ATM: variants seen among roughly 807,000 people sequenced by gnomAD.
The protein encoded by ATM is ATM serine/threonine kinase.
ATM carries 308 observed loss-of-function variants against 387.0 expected under a neutral mutation model. The observed-to-expected ratio is 0.80, with a 90% CI of 0.73 to 0.87. The LOEUF is 0.87. Ranked by LOEUF, ATM falls within the 40% of genes least tolerant of loss-of-function variation. The probability of loss-of-function intolerance (pLI) is 0.00; values close to 1 mark genes in which losing one functional copy is unlikely to be tolerated. For synonymous variants in ATM, 1,156 were observed against 1,187.3 expected, an observed-to-expected ratio of 0.97 and a Z score of 0.54; for missense variants, 3,312 against 3,560.9, an observed-to-expected ratio of 0.93 and a Z score of 1.78.
At chr11:108,355,692 T>G (rs1251661312) in intron 61 of ATM, 1 of 152,244 alleles carries the variant, frequency 6.6e-6, no homozygotes, top group African/African-American at 2.4e-5. Flanking sequence ...TAAAAAACAT[T>G]GATGCTGATC....
At chr11:108,237,754 T>C (rs2079350224) in intron 5 of ATM, among the ~76,000 whole-genome samples, 1 of 152,176 alleles carries the variant, frequency 6.6e-6, no homozygotes, top group Non-Finnish European at 1.5e-5. Context: ...AATTTTGGAA[T>C]CAGCTTACTG....
Position 108,272,783 on chromosome 11 carries a change from A to G in ATM, c.3215A>G (p.Glu1072Gly). The G allele has an allele frequency of 6.2e-7, 1 of 1,613,852 alleles. No individual in the cohort carries two copies. The highest frequency in any genetic ancestry group is 1.7e-4 in the Middle Eastern group (1 of 6,060). Residue 1072 changes from glutamate to glycine, a missense_variant, in exon 22 of 63, where the codon GAA becomes GGA. Glu to Gly is a moderately conservative substitution (Grantham distance 98). Transcript: ENST00000675843. ...ATGGGAAAAGACTTTCCTGTAAATGAAGTATTTACACAATTTCTTGCTGAC... is the reference window on the plus strand; with the variant it reads ...ATGGGAAAAGACTTTCCTGTAAATGGAGTATTTACACAATTTCTTGCTGAC... ...NVMGKDFPVN[E>G]VFTQFLADNH...
chr11:108,316,257 T>A, intron 42 of ATM, 144 bp downstream of exon 42: 2 of 896,536 alleles, frequency 2.2e-6, no homozygotes, highest in Non-Finnish European at 3.6e-6. Context: ...AGGCTAAACA[T>A]TCAGGGATAC....
chr11:108,260,919 T>A (rs594153), intron 16 of ATM, among the ~76,000 whole-genome samples: 1 of 151,974 alleles, frequency 6.6e-6, no homozygotes, highest in African/African-American at 2.4e-5. Context: ...CGAATACTGC[T>A]CTTTTGCGAC....
At chr11:108,262,454 G>A (rs956762231) in intron 16 of ATM, among the ~76,000 whole-genome samples, 3 of 152,140 alleles carry the variant, frequency 2.0e-5, no homozygotes, top group African/African-American at 7.2e-5. Flanking sequence ...GTCACCACCA[G>A]GCCTGCCTTA....
intron 58 of ATM, 87 bp downstream of exon 58, chr11:108,345,995 T>C (rs2137045893): frequency 6.7e-7 from 1 of 1,484,178 alleles, no homozygotes; most frequent in Middle Eastern, 1.7e-4. Flanking sequence ...TTCTACATTC[T>C]GAGTTGCAGG....
intron 27 of ATM, 102 bp downstream of exon 27, chr11:108,287,817 A>G (rs1311029234): frequency 2.4e-6 from 2 of 824,520 alleles, no homozygotes; most frequent in Non-Finnish European, 1.9e-6. Context: ...TATAGACATC[A>G]CTCTTTTTAA....
rs889445709 is a variant in ATM, at chr11:108,307,907, C to A, written c.5685C>A (p.His1895Gln). 2 of 1,613,444 alleles carry A rather than the reference C, an allele frequency of 1.2e-6. No homozygotes were observed. The highest frequency in any genetic ancestry group is 1.7e-6 in the Non-Finnish European group (2 of 1,179,704). The change falls in exon 38 of 63, where the codon CAC becomes CAA. Residue 1895 changes from histidine to glutamine, a missense_variant. Coordinates refer to ENST00000675843, the MANE Select transcript of ATM (RefSeq NM_000051.4). ...TPANLDSESE[H>Q]FFRCCLDKKS... Reference sequence around the variant, plus strand: ...ATTTTTGTTTGTCAGAGTCAGAGCACTTTTTCCGATGCTGTTTGGATAAAA... The same window carrying A: ...ATTTTTGTTTGTCAGAGTCAGAGCAATTTTTCCGATGCTGTTTGGATAAAA...
intron 26 of ATM, among the ~76,000 whole-genome samples, chr11:108,285,843 C>T (rs1181921418): frequency 6.6e-6 from 1 of 152,166 alleles, no homozygotes; most frequent in Admixed American, 6.5e-5. Flanking sequence ...AATCTCCCAG[C>T]TTAGTCTTCT....
At chr11:108,328,651 G>C (rs1195221572) in intron 48 of ATM, among the ~76,000 whole-genome samples, 1 of 152,170 alleles carries the variant, frequency 6.6e-6, no homozygotes, top group Non-Finnish European at 1.5e-5. Flanking sequence ...GAAAAGTCAA[G>C]AAAATACCAT....
chr11:108,283,422 G>A (rs1490898895), intron 25 of ATM, among the ~76,000 whole-genome samples: 1 of 152,142 alleles, frequency 6.6e-6, no homozygotes, highest in African/African-American at 2.4e-5. Context: ...GTAATGTTTA[G>A]GTATCAGGAT....
intron 55 of ATM, chr11:108,335,359 T>TTATGTTTTCTTATAAA: frequency 1.6e-6 from 2 of 1,217,062 alleles, no homozygotes; most frequent in East Asian, 6.1e-5. Context: ...TACAGACATG[T>TTATGTTTTCTTATAAA]ACAGTGAGGT....
intron 40 of ATM, among the ~76,000 whole-genome samples, chr11:108,314,320 G>T (rs538187137): frequency 6.6e-6 from 1 of 152,066 alleles, no homozygotes; most frequent in East Asian, 1.9e-4. Context: ...TGCCCAGGCC[G>T]ATCTTGAATT....
intron 55 of ATM, 45 bp downstream of exon 55, chr11:108,335,154 G>C (rs374239658): frequency 2.5e-6 from 4 of 1,612,538 alleles, no homozygotes; most frequent in African/African-American, 1.3e-5. Flanking sequence ...TTTTAGTGAT[G>C]AAAATTTTTA....
chr11:108,244,273 A>G (rs1016568491), intron 6 of ATM, among the ~76,000 whole-genome samples, 155 bp downstream of exon 6: 6 of 152,216 alleles, frequency 3.9e-5, no homozygotes, highest in Non-Finnish European at 5.9e-5. Context: ...ACCAAGTCCA[A>G]CACTTTCTGA....
At chr11:108,351,055 A>G (rs1170673002) in intron 59 of ATM, among the ~76,000 whole-genome samples, 1 of 152,238 alleles carries the variant, frequency 6.6e-6, no homozygotes, top group Non-Finnish European at 1.5e-5. Flanking sequence ...TCGTATATTT[A>G]TATTCTCTTT....
chr11:108,253,256 CTATT>C lies in ATM; in HGVS notation c.1898+346_1898+349del, dbSNP rs566809277. Among the ~76,000 whole-genome samples, 633 of 152,230 alleles carry C rather than the reference CTATT, an allele frequency of 4.2e-3. 4 individuals carry two copies. Among genetic ancestry groups the C allele is most frequent in the Non-Finnish European group, 6.7e-3 (454 of 67,998 alleles). On this transcript the variant is annotated intron_variant, in intron 12 of 62. Coordinates refer to ENST00000675843, the MANE Select transcript of ATM (RefSeq NM_000051.4). Reference sequence around the variant, plus strand: ...TTTCTGTACATCAACTATGATTTGACTATTTGTTAGCTTTAAAAACTAATGATAA... The same window carrying C: ...TTTCTGTACATCAACTATGATTTGACTGTTAGCTTTAAAAACTAATGATAA...
chr11:108,289,620 C>A lies in ATM; in HGVS notation c.4255C>A (p.Leu1419Ile), dbSNP rs2135759542. Reference sequence around the variant, plus strand: ...TTTCTAGGATTCCTATCAGAAAATTCTTCTTGCCATATGTGAGCAAGCAGC... The same window carrying A: ...TTTCTAGGATTCCTATCAGAAAATTATTCTTGCCATATGTGAGCAAGCAGC... ...SKSPDSYQKI[L>I]LAICEQAAET... The change falls in exon 29 of 63, where the codon CTT becomes ATT. Residue 1419 changes from leucine to isoleucine, a missense_variant. By Grantham distance (5) the Leu-to-Ile change is conservative. Transcript: ENST00000675843. The A allele has an allele frequency of 6.2e-7, 1 of 1,605,312 alleles. No homozygotes were observed. Among genetic ancestry groups the A allele is most frequent in the Non-Finnish European group, 8.5e-7 (1 of 1,176,280 alleles).
intron 23 of ATM, 77 bp downstream of exon 23, chr11:108,279,685 G>A (rs1239334422): frequency 5.2e-6 from 6 of 1,157,760 alleles, no homozygotes; most frequent in Non-Finnish European, 7.8e-6. Context: ...ACCAAGTTTG[G>A]TATAAGAGAG....
Sources: gnomAD v4.1 joint callset for allele counts (sites outside exome capture counted in the v4.1 genomes callset) on GRCh38, gnomAD v4.1.1 for gene constraint, MANE v1.5 for transcripts, NCBI Gene and HGNC (gene_info 2026-07-23, HGNC 2026-07-21) for gene names.